The following SNX8 variants were observed in gnomAD, a reference collection of about 807,000 sequenced individuals.
SNX8 encodes the protein sorting nexin-8.
A neutral mutation model predicts 51.6 loss-of-function variants in SNX8; 25 were observed. The observed-to-expected ratio is 0.48, with a 90% CI of 0.35 to 0.68. SNX8 has a LOEUF of 0.68. Among genes scored for constraint, SNX8 ranks in the 30% least tolerant of loss-of-function variants. The pLI, the probability that SNX8 is intolerant of heterozygous loss-of-function variation, is 0.00. For missense variants in SNX8, 695 were observed against 624.0 expected (o/e 1.11, Z -1.21); for synonymous variants, 324 against 277.0 (o/e 1.17, Z -1.68).
intron 1 of SNX8, among the ~76,000 whole-genome samples, chr7:2,330,203 T>C (rs866866384): frequency 6.8e-6 from 1 of 146,976 alleles, no homozygotes. Flanking sequence ...AGTGGCGGCA[T>C]CTCGGCTCAC....
intron 1 of SNX8, among the ~76,000 whole-genome samples, chr7:2,295,540 A>G (rs1399291856): frequency 1.3e-5 from 2 of 149,936 alleles, no homozygotes; most frequent in Non-Finnish European, 2.9e-5. Flanking sequence ...CCCTGTCTCT[A>G]CTAAAAATAC....
intron 1 of SNX8, among the ~76,000 whole-genome samples, chr7:2,341,084 C>T (rs1275226209): frequency 1.3e-5 from 2 of 149,562 alleles, no homozygotes; most frequent in African/African-American, 2.5e-5. Flanking sequence ...GTGGGAGGAT[C>T]ACTGGAGCCC....
rs567545838 is a variant in SNX8 at position 2,327,007 on chromosome 7, A to G, written c.-66+27215T>C. On this transcript the variant is annotated intron_variant, in intron 1 of 5. Transcript: ENST00000435336. ...AACTTGGTGGCTTGAAACAACAGAA[A>G]CATATTGTCTCAGAGTGCTTGAGGC... Among the ~76,000 whole-genome samples the G allele has an allele frequency of 4.6e-5, 7 of 152,260 alleles. No homozygotes were observed. The South Asian group carries it at 1.5e-3, about 32-fold the overall frequency.
intron 1 of SNX8, among the ~76,000 whole-genome samples, chr7:2,345,112 T>G (rs2115248700): frequency 6.6e-6 from 1 of 152,212 alleles, no homozygotes; most frequent in East Asian, 1.9e-4. Context: ...TTAGTCATAT[T>G]CTCTAAACTA....
At position 2,329,201 on chromosome 7, in the gene SNX8, G is replaced by T. The variant is rs912228724; in HGVS notation, c.-66+25021C>A. Among the ~76,000 whole-genome samples, 3 of 151,830 alleles carry T rather than the reference G, an allele frequency of 2.0e-5. 1 individual carries two copies. Among genetic ancestry groups the T allele is most frequent in the Non-Finnish European group, 4.4e-5 (3 of 67,952 alleles). ...CAGGAGAATCGCTTGAACCCAGGAG[G>T]CGGAGGTTACAGTGAGCCAAGACTG... On this transcript the variant is annotated intron_variant, in intron 1 of 5. Transcript: ENST00000435336.
chr7:2,303,135 G>A (rs570702987), intron 1 of SNX8, among the ~76,000 whole-genome samples: 2 of 145,592 alleles, frequency 1.4e-5, no homozygotes, highest in African/African-American at 5.1e-5. Context: ...CCGGCCAGCC[G>A]CCCCGTCCGG....
At chr7:2,268,499 TG>T (rs1272715132) in intron 5 of SNX8, among the ~76,000 whole-genome samples, 1 of 88,556 alleles carries the variant, frequency 1.1e-5, no homozygotes, top group Non-Finnish European at 2.3e-5. Context: ...GGGAGGGAGG[TG>T]GGGGGTCAGC....
chr7:2,352,934 G>A (rs940149868), intron 1 of SNX8, among the ~76,000 whole-genome samples: 2 of 152,218 alleles, frequency 1.3e-5, no homozygotes, highest in Admixed American at 1.3e-4. Flanking sequence ...CTGACAGCAT[G>A]ATGAGGAGTA....
At chr7:2,289,141 G>T (rs768762109) in intron 1 of SNX8, among the ~76,000 whole-genome samples, 16 of 152,182 alleles carry the variant, frequency 1.1e-4, no homozygotes, top group Non-Finnish European at 1.8e-4. Flanking sequence ...GCTGTGGGGC[G>T]ATGGCTGCCC....
intron 1 of SNX8, among the ~76,000 whole-genome samples, chr7:2,322,003 G>A (rs984799173): frequency 2.6e-5 from 4 of 152,156 alleles, no homozygotes; most frequent in African/African-American, 9.7e-5. Flanking sequence ...GATTATAGGC[G>A]TGAGCCACTG....
intron 1 of SNX8, among the ~76,000 whole-genome samples, chr7:2,304,108 A>C (rs983337772): frequency 1.3e-5 from 2 of 149,252 alleles, no homozygotes. Flanking sequence ...CGGAGCTTGC[A>C]GTGAGCCGAG....
intron 1 of SNX8, among the ~76,000 whole-genome samples, chr7:2,328,318 A>C (rs559308872): frequency 6.6e-6 from 1 of 152,004 alleles, no homozygotes; most frequent in Non-Finnish European, 1.5e-5. Flanking sequence ...TGGCCTCCCA[A>C]AGTGCTGGGA....
intron 4 of SNX8, among the ~76,000 whole-genome samples, chr7:2,271,239 G>A (rs948743071): frequency 1.8e-4 from 28 of 152,310 alleles, no homozygotes; most frequent in Admixed American, 1.4e-3. Flanking sequence ...ACGAAGTCTC[G>A]CTATGTTGTC....
chr7:2,284,632 C>T (rs1225385562), intron 1 of SNX8, among the ~76,000 whole-genome samples: 1 of 151,226 alleles, frequency 6.6e-6, no homozygotes, highest in Non-Finnish European at 1.5e-5. Flanking sequence ...TCTCGATCTC[C>T]TGACCTTGTG....
chr7:2,298,304 A>T (rs1218401314), intron 1 of SNX8, among the ~76,000 whole-genome samples: 3 of 151,584 alleles, frequency 2.0e-5, no homozygotes, highest in Non-Finnish European at 4.4e-5. Context: ...TTTTTTGTAG[A>T]GGCAAAGTCT....
chr7:2,328,674 G>T (rs1289871446), intron 1 of SNX8, among the ~76,000 whole-genome samples: 1 of 151,362 alleles, frequency 6.6e-6, no homozygotes, highest in Non-Finnish European at 1.5e-5. Flanking sequence ...ATTGCACGCT[G>T]GGCACGGTGG....
At chr7:2,335,504 A>T (rs1778810807) in intron 1 of SNX8, among the ~76,000 whole-genome samples, 1 of 149,268 alleles carries the variant, frequency 6.7e-6, no homozygotes, top group Non-Finnish European at 1.5e-5. Flanking sequence ...GAAAGAAACA[A>T]TATGCTGAGT....
chr7:2,347,690 G>T (rs1271810886), intron 1 of SNX8, among the ~76,000 whole-genome samples: 1 of 149,280 alleles, frequency 6.7e-6, no homozygotes, highest in East Asian at 2.0e-4. Context: ...CTGTCACCCA[G>T]GCTGGAGTGC....
At chr7:2,351,273 G>A (rs1779133881) in intron 1 of SNX8, among the ~76,000 whole-genome samples, 1 of 152,176 alleles carries the variant, frequency 6.6e-6, no homozygotes, top group South Asian at 2.1e-4. Context: ...ATAGACCAGC[G>A]GAGGCCAGGC....
Sources: allele counts gnomAD v4.1 joint callset (sites outside exome capture counted in the v4.1 genomes callset), GRCh38; gene constraint gnomAD v4.1.1; transcripts MANE v1.5; gene names NCBI Gene and HGNC (gene_info 2026-07-23, HGNC 2026-07-21).